Variants in PRKN observed in about 807,000 individuals in gnomAD.
PRKN encodes the protein parkin RBR E3 ubiquitin protein ligase.
In PRKN, 56 loss-of-function variants were observed where a neutral mutation model predicts 59.5. The observed-to-expected ratio is 0.94, with a 90% CI of 0.76 to 1.18. The LOEUF (loss-of-function observed/expected upper bound fraction) is 1.18. Among genes scored for constraint, PRKN ranks in the 50% most tolerant of loss-of-function variants. The pLI is 0.00. For synonymous variants in PRKN, 250 were observed against 222.1 expected, an observed-to-expected ratio of 1.13 and a Z score of -1.12; for missense variants, 657 against 596.4, an observed-to-expected ratio of 1.10 and a Z score of -1.06.
intron 6 of PRKN, among the ~76,000 whole-genome samples, chr6:161,903,952 G>C (rs1778032821): frequency 6.6e-6 from 1 of 151,878 alleles, no homozygotes; most frequent in African/African-American, 2.4e-5. Context: ...CAGGGAGCTG[G>C]GGTGGGCAGG....
At chr6:161,986,795 T>C (rs1781453251) in intron 5 of PRKN, among the ~76,000 whole-genome samples, 1 of 151,368 alleles carries the variant, frequency 6.6e-6, no homozygotes, top group African/African-American at 2.4e-5. Flanking sequence ...CAGCCAGACC[T>C]GAGAAATGCA....
In PRKN at chr6:161,527,643, C is replaced by A. The variant is rs1779063569; in HGVS notation, c.1083+21211G>T. Among the ~76,000 whole-genome samples, 2 of 152,268 alleles carry A rather than the reference C, an allele frequency of 1.3e-5. No homozygotes were observed. The highest frequency in any genetic ancestry group is 1.5e-5 in the Non-Finnish European group (1 of 68,040). ...GAGGCAAAGAGGACACGCACTGCAT[C>A]TTCTTCCCTTGCACTTCCTTTTACT... On this transcript the variant is annotated intron_variant, in intron 9 of 11. Coordinates refer to ENST00000366898, the MANE Select transcript of PRKN (RefSeq NM_004562.3). The surrounding 1 kb of genome is among the most constrained non-coding windows in gnomAD (Gnocchi z 4.6).
intron 3 of PRKN, among the ~76,000 whole-genome samples, chr6:162,237,861 G>A (rs534528863): frequency 8.5e-5 from 13 of 152,156 alleles, no homozygotes; most frequent in Non-Finnish European, 1.6e-4. Context: ...GCCATCTGGT[G>A]GGAAAGAAAA....
rs143014718 is a variant in PRKN at position 161,762,427 on chromosome 6, G to A, written c.871+23345C>T. 2.6e-3 allele frequency among the ~76,000 whole-genome samples: 394 copies of A among 152,216 alleles called. 1 individual carries two copies. Among genetic ancestry groups the A allele is most frequent in the African/African-American group, 9.0e-3 (374 of 41,516 alleles). Reference sequence around the variant, plus strand: ...AAAGACCCAGAAGGGTTAAGTCAGGGTCTTTTAATGCAGAAGTTACTTTCA... The same window carrying A: ...AAAGACCCAGAAGGGTTAAGTCAGGATCTTTTAATGCAGAAGTTACTTTCA... On this transcript the variant is annotated intron_variant, in intron 7 of 11. Transcript: ENST00000366898.
rs954868733 is a variant in PRKN, at chr6:161,499,612, G to A, written c.1083+49242C>T. Among the ~76,000 whole-genome samples the A allele has an allele frequency of 4.6e-5, 7 of 152,140 alleles. No individual in the cohort carries two copies. The highest frequency in any genetic ancestry group is 2.1e-4 in the South Asian group (1 of 4,830). Reference sequence around the variant, plus strand: ...TGGATCCAAGTTAGCTGAGTTGCTCGTGAAAAATGCAGATTGCAGGTTTCA... The same window carrying A: ...TGGATCCAAGTTAGCTGAGTTGCTCATGAAAAATGCAGATTGCAGGTTTCA... On this transcript the variant is annotated intron_variant, in intron 9 of 11. Transcript: ENST00000366898. This position sits in a 1 kb window ranked among gnomAD's most constrained non-coding sequence, Gnocchi z 4.2.
chr6:161,977,821 G>A (rs1204905576), intron 5 of PRKN, among the ~76,000 whole-genome samples: 2 of 150,982 alleles, frequency 1.3e-5, no homozygotes, highest in East Asian at 2.0e-4. Context: ...TGTTGGGATT[G>A]TACAGGTGTG....
intron 6 of PRKN, among the ~76,000 whole-genome samples, chr6:161,845,830 T>C (rs1793176043): frequency 6.6e-6 from 1 of 152,206 alleles, no homozygotes; most frequent in Non-Finnish European, 1.5e-5. Context: ...GGGAGGCTGC[T>C]GGTATTCACT....
rs1421137157 is a variant in PRKN at position 161,578,005 on chromosome 6, C to A, written c.872-8589G>T. Among the ~76,000 whole-genome samples the A allele has an allele frequency of 6.6e-6, 1 of 152,086 alleles. No individual in the cohort carries two copies. Among genetic ancestry groups the A allele is most frequent in the Non-Finnish European group, 1.5e-5 (1 of 68,028 alleles). ...CACTTACTATGCGTAACGCCAGGGG[C>A]CATAGAGAAATCATAAATGAATCAG... On this transcript the variant is annotated intron_variant, in intron 7 of 11. Coordinates refer to ENST00000366898, the MANE Select transcript of PRKN (RefSeq NM_004562.3). This position sits in a 1 kb window ranked among gnomAD's most constrained non-coding sequence, Gnocchi z 4.2.
At chr6:162,160,890 CAAAAAAAA>C (rs56320816) in intron 4 of PRKN, among the ~76,000 whole-genome samples, 12 of 80,266 alleles carry the variant, frequency 1.5e-4, no homozygotes, top group Admixed American at 9.5e-4. Flanking sequence ...GACTCCGTCT[CAAAAAAAA>C]AAAAAAAAAA....
intron 2 of PRKN, among the ~76,000 whole-genome samples, chr6:162,387,425 CAT>C (rs1786891633): frequency 6.6e-6 from 1 of 151,666 alleles, no homozygotes; most frequent in Admixed American, 6.6e-5. Flanking sequence ...TTTTGTTGTT[CAT>C]ACAGAGAAAT....
intron 4 of PRKN, among the ~76,000 whole-genome samples, chr6:162,160,600 A>G (rs1782710288): frequency 6.6e-6 from 1 of 152,104 alleles, no homozygotes; most frequent in African/African-American, 2.4e-5. Flanking sequence ...AATGATCTCC[A>G]TTTTTCAAGT....
intron 1 of PRKN, among the ~76,000 whole-genome samples, chr6:162,589,106 G>T (rs896890407): frequency 1.3e-5 from 2 of 152,096 alleles, no homozygotes; most frequent in Non-Finnish European, 2.9e-5. Context: ...GAAATTCTGG[G>T]ATTTCTGACA....
chr6:161,802,193 T>C (rs143633949), intron 6 of PRKN, among the ~76,000 whole-genome samples: 63 of 152,230 alleles, frequency 4.1e-4, no homozygotes, highest in African/African-American at 1.5e-3. Context: ...ATCAAAGTTA[T>C]AGCCTCTCAC....
rs1784728863 is a variant in PRKN, at chr6:161,355,890, A to G, written c.1285+4198T>C. On this transcript the variant is annotated intron_variant, in intron 11 of 11. Transcript: ENST00000366898. This position sits in a 1 kb window ranked among gnomAD's most constrained non-coding sequence, Gnocchi z 6.8. The stretch of plus-strand genomic sequence containing the variant: ...AGTGGTGCTATGAAATTATTATTAA[A>G]CTGGTGGGTGGGACTCGTTGGGTAA... Among the ~76,000 whole-genome samples, 1 of 152,128 alleles carries G rather than the reference A, an allele frequency of 6.6e-6. No homozygotes were observed. Among genetic ancestry groups the G allele is most frequent in the Admixed American group, 6.5e-5 (1 of 15,270 alleles).
chr6:161,463,217 G>A lies in PRKN; in HGVS notation c.1084-76340C>T, dbSNP rs1260270759. 2.0e-5 allele frequency among the ~76,000 whole-genome samples: 3 copies of A among 152,118 alleles called. No homozygotes were observed. The highest frequency in any genetic ancestry group is 2.1e-4 in the South Asian group (1 of 4,822). ...GCATCCAGATTCAGCACGGCCTCTG[G>A]AAGGTGACTGCCAGGTCAGCTTCAC... On this transcript the variant is annotated intron_variant, in intron 9 of 11. Coordinates refer to ENST00000366898, the MANE Select transcript of PRKN (RefSeq NM_004562.3). The surrounding 1 kb of genome is among the most constrained non-coding windows in gnomAD (Gnocchi z 4.8).
At chr6:161,829,870 TGC>T (rs1792409586) in intron 6 of PRKN, among the ~76,000 whole-genome samples, 9 of 130,206 alleles carry the variant, frequency 6.9e-5, no homozygotes, top group African/African-American at 2.7e-4. Flanking sequence ...AAAAAAAAAA[TGC>T]CAATACAAGA....
chr6:161,692,513 G>A (rs1028657720), intron 7 of PRKN, among the ~76,000 whole-genome samples: 8 of 152,240 alleles, frequency 5.3e-5, no homozygotes, highest in African/African-American at 1.2e-4. Context: ...TCTGCTCTTC[G>A]TGGGGATCTT....
chr6:162,291,250 T>C (rs143536914), intron 2 of PRKN, among the ~76,000 whole-genome samples: 1 of 152,230 alleles, frequency 6.6e-6, no homozygotes, highest in East Asian at 1.9e-4. Context: ...AGCTTCAGGC[T>C]TTGCTCTTCC....
chr6:162,374,630 T>A (rs959698961), intron 2 of PRKN, among the ~76,000 whole-genome samples: 9 of 152,086 alleles, frequency 5.9e-5, no homozygotes, highest in African/African-American at 2.2e-4. Flanking sequence ...CTTTTAGCTA[T>A]TATTATTTTC....
Sources: gnomAD v4.1 joint callset for allele counts (sites outside exome capture counted in the v4.1 genomes callset) on GRCh38, gnomAD v4.1.1 for gene constraint, Gnocchi (gnomAD v3.1) non-coding constraint, MANE v1.5 for transcripts, NCBI Gene and HGNC (gene_info 2026-07-23, HGNC 2026-07-21) for gene names.